CIBAR1: variants seen among roughly 807,000 people sequenced by gnomAD.
CIBAR1 encodes the protein CBY1 interacting BAR domain containing 1.
A neutral mutation model predicts 44.0 loss-of-function variants in CIBAR1; 25 were observed. The observed-to-expected ratio is 0.57, with a 90% CI of 0.41 to 0.79. The LOEUF is 0.79. Ranked by LOEUF, CIBAR1 falls within the 30% of genes least tolerant of loss-of-function variation. The pLI, the probability that CIBAR1 is intolerant of heterozygous loss-of-function variation, is 0.00. For synonymous variants in CIBAR1, 115 were observed against 119.0 expected (o/e 0.97, Z 0.22); for missense variants, 278 against 344.8 (o/e 0.81, Z 1.53).
At chr8:93,705,125 G>A (rs1810528662) in intron 4 of CIBAR1, 115 bp downstream of exon 4, 1 of 682,900 alleles carries the variant, frequency 1.5e-6, no homozygotes, top group African/African-American at 1.8e-5. Context: ...TGAATATAAA[G>A]ATTGAAAAGA....
At chr8:93,722,715 ATT>A (rs1161044226) in intron 7 of CIBAR1, among the ~76,000 whole-genome samples, 1 of 152,040 alleles carries the variant, frequency 6.6e-6, no homozygotes, top group African/African-American at 2.4e-5. Context: ...AAAAAAAAAT[ATT>A]GTCAGGTCAC....
rs747593819 is a variant in CIBAR1, at chr8:93,728,272, C to G, written c.845C>G (p.Thr282Arg). Reference protein sequence around the residue: ...EDDEDDELDVTEEENFLK With the variant: ...EDDEDDELDVREEENFLK Reference sequence around the variant, plus strand: ...GATGAGGATGACGAGTTAGATGTTACAGAAGAAGAAAATTTTCTTAAGTAA... The same window carrying G: ...GATGAGGATGACGAGTTAGATGTTAGAGAAGAAGAAAATTTTCTTAAGTAA... The change falls in exon 9 of 9, where the codon ACA becomes AGA. Residue 282 changes from threonine (T) to arginine (R), a missense_variant. By Grantham distance (71) the Thr-to-Arg change is moderately conservative. This residue lies in a region of CIBAR1 where 93 missense variants were observed against 108.9 expected (regional missense o/e 0.85). Transcript: ENST00000518322. The G allele has an allele frequency of 6.3e-6, 10 of 1,588,434 alleles. No individual in the cohort carries two copies. In the Admixed American group the frequency reaches 1.8e-4, roughly 29 times the overall value.
At chr8:93,722,660 A>T (rs1046285408) in intron 7 of CIBAR1, among the ~76,000 whole-genome samples, 1 of 152,024 alleles carries the variant, frequency 6.6e-6, no homozygotes, top group East Asian at 1.9e-4. Flanking sequence ...GAGTGTGCCA[A>T]TTGCACTCCA....
chr8:93,707,616 TAGTA>T (rs1321921127), intron 4 of CIBAR1, among the ~76,000 whole-genome samples: 3 of 152,198 alleles, frequency 2.0e-5, no homozygotes, highest in Non-Finnish European at 2.9e-5. Flanking sequence ...TTTTTCATAG[TAGTA>T]AGTCTTCAAA....
rs1041365871 is a variant in CIBAR1 at position 93,701,404 on chromosome 8, C to T, written c.207C>T (p.Gly69=). 1 of 1,613,526 alleles carries T rather than the reference C, an allele frequency of 6.2e-7. No individual in the cohort carries two copies. The highest frequency in any genetic ancestry group is 1.3e-5 in the African/African-American group (1 of 74,816). The change falls in exon 2 of 9, where the codon GGC becomes GGT. Residue 69 remains glycine, a synonymous_variant. Transcript: ENST00000518322. ...CAGAGACCCCGCATTTAAAGCTGGG[C>T]CTGATGAACTTTGCAGATGAGTTTG... ...AATETPHLKL[G]LMNFADEFAK...
In CIBAR1 at chr8:93,728,609, A is replaced by C. The variant is rs2130405179; in HGVS notation, c.*312A>C. The C allele has an allele frequency of 5.6e-6, 1 of 178,252 alleles. No homozygotes were observed. The highest frequency in any genetic ancestry group is 2.4e-5 in the African/African-American group (1 of 42,430). The allele number at this position is 178,252 out of a possible 1,614,324, so 11.0% of individuals were successfully genotyped here. ...GTTCCAATAGTACATTATGACAGAA[A>C]CCAAAAGATCTAACAATTCTGCTTA... On this transcript the variant is annotated 3_prime_UTR_variant, in exon 9 of 9. Transcript: ENST00000518322.
intron 7 of CIBAR1, chr8:93,724,716 T>C (rs1179042795): frequency 9.2e-7 from 1 of 1,083,624 alleles, no homozygotes. Context: ...ATTAGGCATA[T>C]ATAACTATTT....
chr8:93,701,515 A>C, intron 2 of CIBAR1, 57 bp downstream of exon 2: 1 of 1,464,428 alleles, frequency 6.8e-7, no homozygotes, highest in Admixed American at 2.0e-5. Context: ...TAGTGGATGA[A>C]GGAACCGTGG....
intron 6 of CIBAR1, among the ~76,000 whole-genome samples, chr8:93,713,643 GAATT>G (rs764245415): frequency 2.5e-4 from 38 of 152,074 alleles, no homozygotes; most frequent in Admixed American, 1.2e-3. Context: ...TGATCCATTT[GAATT>G]AATTTTTATA....
chr8:93,703,549 A>T, intron 2 of CIBAR1, 71 bp from the exon 3 acceptor site: 1 of 854,706 alleles, frequency 1.2e-6, no homozygotes, highest in East Asian at 2.8e-5. Flanking sequence ...ATCAATTTCT[A>T]GTGATTAGCC....
At chr8:93,708,474 ATTTTAATTAG>A (rs1468915839) in intron 5 of CIBAR1, among the ~76,000 whole-genome samples, 1 of 152,156 alleles carries the variant, frequency 6.6e-6, no homozygotes, top group Non-Finnish European at 1.5e-5. Context: ...TTTTTATTTA[ATTTTAATTAG>A]TTTTAATGAA....
Position 93,728,220 on chromosome 8 carries a change from CTAAG to C in CIBAR1, c.794_797del (p.Leu265GlnfsTer14), listed in dbSNP as rs1442441484. 6.3e-7 allele frequency: 1 copy of C among 1,587,786 alleles called. No individual in the cohort carries two copies. The highest frequency in any genetic ancestry group is 8.5e-7 in the Non-Finnish European group (1 of 1,171,398). On this transcript the variant is annotated frameshift_variant, in exon 9 of 9. Transcript: ENST00000518322. LOFTEE classifies it high-confidence loss of function. ...CTTTTAACAGGTATCCACTTGTCGA[CTAAG>C]AAAGGATCAACAAGCAGAAGATGAT...
intron 6 of CIBAR1, among the ~76,000 whole-genome samples, chr8:93,717,353 A>T (rs370186401): frequency 2.0e-5 from 3 of 152,330 alleles, no homozygotes; most frequent in East Asian, 3.9e-4. Context: ...ATCTAGAGAT[A>T]CTTTAATATG....
intron 8 of CIBAR1, 24 bp from the exon 9 acceptor site, chr8:93,728,181 A>T: frequency 1.4e-6 from 2 of 1,433,792 alleles, no homozygotes; most frequent in East Asian, 2.5e-5. Flanking sequence ...TTTTTATTTT[A>T]AAAAGTGTGT....
chr8:93,707,424 T>C, intron 4 of CIBAR1: 1 of 211,156 alleles, frequency 4.7e-6, no homozygotes, highest in South Asian at 6.4e-5. Context: ...CAACTCTACT[T>C]ACTCTTCTAA....
intron 4 of CIBAR1, among the ~76,000 whole-genome samples, chr8:93,707,613 T>G (rs948338444): frequency 6.6e-6 from 1 of 151,884 alleles, no homozygotes; most frequent in Non-Finnish European, 1.5e-5. Flanking sequence ...GATTTTTTCA[T>G]AGTAGTAAGT....
At chr8:93,723,156 C>G (rs1349820494) in intron 7 of CIBAR1, among the ~76,000 whole-genome samples, 1 of 152,186 alleles carries the variant, frequency 6.6e-6, no homozygotes, top group Non-Finnish European at 1.5e-5. Flanking sequence ...GCCACCTCGC[C>G]TGGCTAATTT....
At chr8:93,721,823 G>A (rs75053729) in intron 7 of CIBAR1, among the ~76,000 whole-genome samples, 1 of 149,690 alleles carries the variant, frequency 6.7e-6, no homozygotes. Flanking sequence ...GTCCTATAAA[G>A]AAAAAAAAAA....
At chr8:93,726,684 TCTTA>T in intron 8 of CIBAR1, 171 bp downstream of exon 8, 1 of 693,042 alleles carries the variant, frequency 1.4e-6, no homozygotes. Flanking sequence ...CTCTATTATT[TCTTA>T]ATTATCTTTT....
Sources: gnomAD v4.1 joint callset for allele counts (sites outside exome capture counted in the v4.1 genomes callset) on GRCh38, gnomAD v4.1.1 for gene constraint, gnomAD v4.1.1 regional missense constraint, MANE v1.5 for transcripts, NCBI Gene and HGNC (gene_info 2026-07-23, HGNC 2026-07-21) for gene names.